The following IFT88 variants were observed in gnomAD, a reference collection of about 807,000 sequenced individuals.
IFT88 encodes intraflagellar transport protein 88 homolog.
In IFT88, 74 loss-of-function variants were observed where a neutral mutation model predicts 119.5. The ratio of observed to expected loss-of-function variants is 0.62; its 90% CI spans 0.51 to 0.75. The LOEUF is 0.75. Ranked by LOEUF, IFT88 falls within the 30% of genes least tolerant of loss-of-function variation. The pLI is 0.00. For synonymous variants in IFT88, 279 were observed against 316.7 expected (o/e 0.88, Z 1.26); for missense variants, 961 against 977.7 (o/e 0.98, Z 0.23).
chr13:20,594,234 A>G (rs904221041), intron 7 of IFT88, among the ~76,000 whole-genome samples: 2 of 152,122 alleles, frequency 1.3e-5, no homozygotes, highest in Admixed American at 6.5e-5. Flanking sequence ...CCTGCCGATC[A>G]TTATGATGCC....
chr13:20,669,424 ATTTT>A (rs34389525), intron 23 of IFT88, among the ~76,000 whole-genome samples: 1 of 143,012 alleles, frequency 7.0e-6, no homozygotes. Flanking sequence ...TATTTTCAGC[ATTTT>A]TTTTTTTTTT....
chr13:20,637,341 A>G (rs2049169434), intron 16 of IFT88, among the ~76,000 whole-genome samples: 1 of 152,268 alleles, frequency 6.6e-6, no homozygotes, highest in East Asian at 1.9e-4. Flanking sequence ...GTGTTATGGG[A>G]AAAGGGGCAT....
At chr13:20,581,984 TA>T (rs1249819069) in intron 2 of IFT88, among the ~76,000 whole-genome samples, 1 of 152,232 alleles carries the variant, frequency 6.6e-6, no homozygotes, top group South Asian at 2.1e-4. Flanking sequence ...TTCAAATTTT[TA>T]AAAAGTTAAT....
intron 14 of IFT88, among the ~76,000 whole-genome samples, chr13:20,620,470 C>T (rs546335818): frequency 1.3e-5 from 2 of 152,218 alleles, no homozygotes; most frequent in African/African-American, 2.4e-5. Flanking sequence ...TATTTGTGTT[C>T]CCCCAAAATT....
At chr13:20,689,221 C>T (rs533892635) in intron 24 of IFT88, among the ~76,000 whole-genome samples, 25 of 152,258 alleles carry the variant, frequency 1.6e-4, no homozygotes, top group Admixed American at 7.2e-4. Context: ...CGTGAGTCAC[C>T]GTGCCCGGCC....
intron 3 of IFT88, among the ~76,000 whole-genome samples, chr13:20,585,342 A>T (rs1240598097): frequency 6.6e-6 from 1 of 152,224 alleles, no homozygotes; most frequent in African/African-American, 2.4e-5. Flanking sequence ...CATGGGAAAG[A>T]TACAAATTAA....
intron 13 of IFT88, among the ~76,000 whole-genome samples, chr13:20,613,569 C>T (rs1039904132): frequency 2.2e-4 from 33 of 152,026 alleles, no homozygotes; most frequent in African/African-American, 8.0e-4. Context: ...AGCAATTTTA[C>T]GTCTAGATAT....
At chr13:20,595,652 T>C (rs977299359) in intron 7 of IFT88, among the ~76,000 whole-genome samples, 2 of 152,188 alleles carry the variant, frequency 1.3e-5, no homozygotes, top group South Asian at 2.1e-4. Context: ...GATGTAGTTG[T>C]TAAAAACAGT....
intron 7 of IFT88, among the ~76,000 whole-genome samples, chr13:20,595,537 G>GC (rs2041497876): frequency 6.6e-6 from 1 of 152,004 alleles, no homozygotes; most frequent in South Asian, 2.1e-4. Context: ...TGATCTACCT[G>GC]CCTCAGCCTC....
At chr13:20,654,022 T>C (rs2052291882) in intron 21 of IFT88, 94 bp downstream of exon 21, 3 of 590,484 alleles carry the variant, frequency 5.1e-6, no homozygotes, top group Non-Finnish European at 8.8e-6. Flanking sequence ...CATATCTGTT[T>C]ATTAAAATAC....
intron 7 of IFT88, among the ~76,000 whole-genome samples, chr13:20,595,040 G>T (rs1232320417): frequency 6.6e-6 from 1 of 152,100 alleles, no homozygotes; most frequent in Non-Finnish European, 1.5e-5. Flanking sequence ...AAAGGTAACT[G>T]ATTTGGGAAT....
At chr13:20,675,477 G>A (rs1288141485) in intron 24 of IFT88, among the ~76,000 whole-genome samples, 1 of 152,224 alleles carries the variant, frequency 6.6e-6, no homozygotes, top group Non-Finnish European at 1.5e-5. Context: ...AGTAGTCTCA[G>A]TGTTACAGTT....
intron 23 of IFT88, among the ~76,000 whole-genome samples, chr13:20,668,536 G>C (rs1170670849): frequency 2.0e-5 from 3 of 152,114 alleles, no homozygotes; most frequent in African/African-American, 7.2e-5. Context: ...TATTACAATG[G>C]TTAGTACACA....
intron 10 of IFT88, among the ~76,000 whole-genome samples, chr13:20,599,208 T>A (rs895060892): frequency 6.6e-6 from 1 of 152,050 alleles, no homozygotes; most frequent in African/African-American, 2.4e-5. Flanking sequence ...CGCACAATAA[T>A]GTAAAGCACA....
At chr13:20,623,156 T>C (rs76704753) in intron 14 of IFT88, among the ~76,000 whole-genome samples, 2,966 of 152,368 alleles carry the variant, frequency 0.019, 106 homozygotes, top group African/African-American at 0.067. Flanking sequence ...CTCACTACTC[T>C]ATGCTATTGG....
chr13:20,621,734 T>C (rs927562843), intron 14 of IFT88, among the ~76,000 whole-genome samples: 2 of 152,126 alleles, frequency 1.3e-5, no homozygotes, highest in Admixed American at 6.5e-5. Context: ...AATGAACCAA[T>C]ATTCACATAG....
At chr13:20,590,897 A>G in intron 4 of IFT88, 70 bp from the exon 5 acceptor site, 1 of 1,071,412 alleles carries the variant, frequency 9.3e-7, no homozygotes, top group Non-Finnish European at 1.4e-6. Flanking sequence ...GAAAACTTCT[A>G]TAACTTGGTT....
chr13:20,622,224 G>A (rs1263966418), intron 14 of IFT88, among the ~76,000 whole-genome samples: 1 of 152,164 alleles, frequency 6.6e-6, no homozygotes, highest in East Asian at 1.9e-4. Flanking sequence ...TTGTATGGAT[G>A]TTTATTCATT....
intron 5 of IFT88, 31 bp from the exon 6 acceptor site, chr13:20,591,587 T>G: frequency 6.5e-7 from 1 of 1,536,356 alleles, no homozygotes; most frequent in Non-Finnish European, 9.0e-7. Context: ...AGATCTTATT[T>G]AAGAATAAAT....
Sources: allele counts gnomAD v4.1 joint callset (sites outside exome capture counted in the v4.1 genomes callset), GRCh38; gene constraint gnomAD v4.1.1; transcripts MANE v1.5; gene names NCBI Gene and HGNC (gene_info 2026-07-23, HGNC 2026-07-21).